Variants in CEP162 observed in about 807,000 individuals in gnomAD.
CEP162 encodes the protein centrosomal protein 162, also known as centrosomal protein of 162 kDa.
In CEP162, 141 loss-of-function variants were observed where a neutral mutation model predicts 169.2. The observed-to-expected ratio is 0.83, with a 90% CI of 0.73 to 0.96. The LOEUF is 0.96. Among genes scored for constraint, CEP162 ranks in the 40% least tolerant of loss-of-function variants. The pLI is 0.00. For synonymous variants in CEP162, 540 were observed against 526.4 expected (o/e 1.03, Z -0.35); for missense variants, 1,600 against 1,587.2 (o/e 1.01, Z -0.14).
chr6:84,169,460 G>T, intron 17 of CEP162, 27 bp from the exon 18 acceptor site: 2 of 1,407,306 alleles, frequency 1.4e-6, no homozygotes, highest in African/African-American at 1.4e-5. Context: ...ATAAAAAGTT[G>T]TTTTTCTTTC....
At chr6:84,162,066 T>C (rs2099525999) in intron 19 of CEP162, among the ~76,000 whole-genome samples, 157 bp from the exon 20 acceptor site, 1 of 152,162 alleles carries the variant, frequency 6.6e-6, no homozygotes, top group African/African-American at 2.4e-5. Flanking sequence ...ACATAGTGTC[T>C]AGCTTAATCT....
At chr6:84,220,699 G>T (rs1000543835) in intron 3 of CEP162, among the ~76,000 whole-genome samples, 2 of 151,956 alleles carry the variant, frequency 1.3e-5, no homozygotes, top group African/African-American at 4.8e-5. Flanking sequence ...AGGTCTATAG[G>T]TTTGTTAAAC....
At chr6:84,215,697 C>T (rs1588889751) in intron 4 of CEP162, 79 bp downstream of exon 4, 2 of 1,491,930 alleles carry the variant, frequency 1.3e-6, no homozygotes, top group Admixed American at 2.4e-5. Context: ...GTAAAGGAGG[C>T]TTCAAGATAA....
At position 84,182,103 on chromosome 6, in the gene CEP162, C is replaced by G. The variant is rs183492974; in HGVS notation, c.1663+3084G>C. Among the ~76,000 whole-genome samples, 279 of 152,006 alleles carry G rather than the reference C, an allele frequency of 1.8e-3. 1 individual carries two copies. Among genetic ancestry groups the G allele is most frequent in the African/African-American group, 6.3e-3 (262 of 41,510 alleles). On this transcript the variant is annotated intron_variant, in intron 13 of 26. Coordinates refer to ENST00000403245, the MANE Select transcript of CEP162 (RefSeq NM_014895.4). ...TTTAAAAGAACCTGTAAAGTGTAAT[C>G]TCATTCTTATAAAATATTTTGTCCA...
At chr6:84,138,936 CGTAATT>C (rs1216042875) in intron 25 of CEP162, among the ~76,000 whole-genome samples, 2 of 152,276 alleles carry the variant, frequency 1.3e-5, no homozygotes, top group Admixed American at 6.5e-5. Context: ...CTGACACTTG[CGTAATT>C]GTAGAGTGTT....
intron 21 of CEP162, 99 bp downstream of exon 21, chr6:84,160,713 C>A: frequency 1.4e-6 from 1 of 690,840 alleles, no homozygotes. Flanking sequence ...CAAAAATTTC[C>A]AGGTCAACTC....
intron 19 of CEP162, among the ~76,000 whole-genome samples, chr6:84,162,902 C>T (rs1257894294): frequency 1.3e-5 from 2 of 152,132 alleles, no homozygotes; most frequent in Non-Finnish European, 2.9e-5. Flanking sequence ...GATTTATGAA[C>T]GACCAAACAT....
At chr6:84,173,095 C>T (rs1163765191) in intron 16 of CEP162, among the ~76,000 whole-genome samples, 4 of 152,210 alleles carry the variant, frequency 2.6e-5, no homozygotes, top group African/African-American at 9.6e-5. Context: ...AATATAATAG[C>T]AAAACCAGCC....
chr6:84,125,268 C>T lies in CEP162; in HGVS notation c.4014G>A (p.Gln1338=), dbSNP rs781183230. 1.9e-6 allele frequency: 3 copies of T among 1,612,674 alleles called. No homozygotes were observed. The highest frequency in any genetic ancestry group is 2.5e-6 in the Non-Finnish European group (3 of 1,179,304). The stretch of plus-strand genomic sequence containing the variant: ...CAGTTTCTACTACTTGGTGTGTTTG[C>T]TGTATTATCTGCAAATACAAAAATT... ...QREQELQQII[Q]QTHQVVETEQ... is the part of the protein sequence containing the mutation. Residue 1338 remains glutamine (Q), a synonymous_variant, in exon 27 of 27, where the codon CAG becomes CAA. Transcript: ENST00000403245.
chr6:84,219,808 G>A (rs1440443442), intron 3 of CEP162, among the ~76,000 whole-genome samples: 2 of 152,072 alleles, frequency 1.3e-5, no homozygotes, highest in African/African-American at 4.8e-5. Flanking sequence ...TCCTACCCTC[G>A]CAAAGCTCCC....
chr6:84,169,414 G>A lies in CEP162; in HGVS notation c.2299C>T (p.Arg767Cys), dbSNP rs1174553941. 7 of 1,571,060 alleles carry A rather than the reference G, an allele frequency of 4.5e-6. No individual in the cohort carries two copies. The highest frequency in any genetic ancestry group is 3.7e-5 in the Admixed American group (2 of 54,466). Residue 767 changes from arginine to cysteine, a missense_variant, in exon 18 of 27, where the codon CGT becomes TGT. Arg to Cys is a radical substitution (Grantham distance 180, BLOSUM62 -3). Coordinates refer to ENST00000403245, the MANE Select transcript of CEP162 (RefSeq NM_014895.4). The part of the protein sequence containing the change: ...ASLKEQMHKS[R>C]FLSQVVEDSE... ...TCTTCAACTACTTGAGACAGAAAAC[G>A]ACTTTTGTGCATCTGTTCTCTAATT...
intron 13 of CEP162, among the ~76,000 whole-genome samples, chr6:84,184,597 G>A (rs1305694095): frequency 6.6e-6 from 1 of 151,998 alleles, no homozygotes; most frequent in Non-Finnish European, 1.5e-5. Flanking sequence ...CATGCTCTCA[G>A]GATTCTTCCA....
At chr6:84,189,539 G>T (rs1221959512) in intron 11 of CEP162, among the ~76,000 whole-genome samples, 1 of 152,220 alleles carries the variant, frequency 6.6e-6, no homozygotes, top group Non-Finnish European at 1.5e-5. Flanking sequence ...GGTGTACTGA[G>T]TCCCCCAGCA....
chr6:84,158,905 C>T (rs1035893567), intron 21 of CEP162, among the ~76,000 whole-genome samples: 4 of 151,642 alleles, frequency 2.6e-5, no homozygotes, highest in African/African-American at 9.6e-5. Flanking sequence ...AAATATCAGT[C>T]TGGTATACAA....
intron 6 of CEP162, among the ~76,000 whole-genome samples, chr6:84,210,403 T>C (rs1054544675): frequency 6.6e-6 from 1 of 152,138 alleles, no homozygotes; most frequent in South Asian, 2.1e-4. Flanking sequence ...CAACACAATA[T>C]ATAAAACAAC....
chr6:84,130,945 G>C (rs1169298408), intron 25 of CEP162, among the ~76,000 whole-genome samples: 2 of 152,134 alleles, frequency 1.3e-5, no homozygotes, highest in African/African-American at 4.8e-5. Flanking sequence ...TAATTGTGAT[G>C]TTAGGGTGTT....
At chr6:84,144,176 A>G (rs947824208) in intron 25 of CEP162, among the ~76,000 whole-genome samples, 4 of 152,048 alleles carry the variant, frequency 2.6e-5, no homozygotes. Context: ...TTCTCCTTTT[A>G]CAAATAGAGA....
chr6:84,212,542 ATAGCT>A (rs1385628234), intron 6 of CEP162, among the ~76,000 whole-genome samples: 11 of 152,234 alleles, frequency 7.2e-5, no homozygotes, highest in Non-Finnish European at 4.4e-5. Flanking sequence ...ACAAAGAAGA[ATAGCT>A]AAAAAGCCAA....
At chr6:84,156,836 A>G (rs1433287914) in intron 21 of CEP162, among the ~76,000 whole-genome samples, 2 of 152,128 alleles carry the variant, frequency 1.3e-5, no homozygotes, top group African/African-American at 4.8e-5. Flanking sequence ...ATGGAACTGG[A>G]GGCCATTATC....
Sources: gnomAD v4.1 joint callset for allele counts (sites outside exome capture counted in the v4.1 genomes callset) on GRCh38, gnomAD v4.1.1 for gene constraint, MANE v1.5 for transcripts, NCBI Gene and HGNC (gene_info 2026-07-23, HGNC 2026-07-21) for gene names.